The following FSTL5 variants were observed in gnomAD, a reference collection of about 807,000 sequenced individuals.
FSTL5 encodes follistatin like 5, also known as follistatin-related protein 5.
In FSTL5, 62 loss-of-function variants were observed where a neutral mutation model predicts 89.1. The observed-to-expected ratio is 0.70, with a 90% confidence interval of 0.57 to 0.86. FSTL5 has a LOEUF of 0.86. Ranked by LOEUF, FSTL5 falls within the 40% of genes least tolerant of loss-of-function variation. FSTL5 has a pLI of 0.00. For missense variants in FSTL5, 1,057 were observed against 1,001.6 expected (o/e 1.06, Z -0.75); for synonymous variants, 383 against 346.2 (o/e 1.11, Z -1.18).
chr4:161,777,309 G>A (rs1741444885), intron 4 of FSTL5, among the ~76,000 whole-genome samples: 1 of 149,346 alleles, frequency 6.7e-6, no homozygotes, highest in Non-Finnish European at 1.5e-5. Context: ...GAACACTTAG[G>A]TTGATTCCAT....
chr4:161,731,495 C>T (rs1739610086), intron 6 of FSTL5, among the ~76,000 whole-genome samples: 1 of 152,028 alleles, frequency 6.6e-6, no homozygotes, highest in African/African-American at 2.4e-5. Context: ...TACTCTCTCT[C>T]CTGCTCTGCC....
At chr4:161,958,701 T>G (rs1025394441) in intron 3 of FSTL5, among the ~76,000 whole-genome samples, 3 of 152,136 alleles carry the variant, frequency 2.0e-5, no homozygotes, top group Non-Finnish European at 2.9e-5. Context: ...CTCACTGATC[T>G]TTTTTCTCCC....
intron 1 of FSTL5, among the ~76,000 whole-genome samples, chr4:162,159,893 C>G (rs1382457050): frequency 2.6e-5 from 4 of 151,614 alleles, no homozygotes; most frequent in African/African-American, 9.7e-5. Flanking sequence ...CATTTTAATG[C>G]CAAAAAAACT....
At chr4:161,731,438 G>C (rs1739608008) in intron 6 of FSTL5, among the ~76,000 whole-genome samples, 1 of 151,998 alleles carries the variant, frequency 6.6e-6, no homozygotes, top group African/African-American at 2.4e-5. Context: ...TAGTGGGTGA[G>C]TTCTCACGAG....
intron 10 of FSTL5, among the ~76,000 whole-genome samples, 173 bp from the exon 11 acceptor site, chr4:161,510,597 G>A (rs1048185693): frequency 6.6e-6 from 1 of 151,760 alleles, no homozygotes; most frequent in Non-Finnish European, 1.5e-5. Flanking sequence ...ATAGCATGTT[G>A]GAATTAGCTA....
At chr4:161,699,645 G>A (rs1042159005) in intron 6 of FSTL5, among the ~76,000 whole-genome samples, 1 of 152,112 alleles carries the variant, frequency 6.6e-6, no homozygotes, top group Admixed American at 6.5e-5. Flanking sequence ...TGTAACTTTT[G>A]CCATTTTCTA....
chr4:161,841,104 C>A (rs2126871709), intron 4 of FSTL5, among the ~76,000 whole-genome samples: 1 of 152,206 alleles, frequency 6.6e-6, no homozygotes, highest in East Asian at 1.9e-4. Context: ...CTTTTTCAGG[C>A]CTAAAATTGA....
At position 162,050,151 on chromosome 4, in the gene FSTL5, C is replaced by T. The variant is rs370062890; in HGVS notation, c.127-16493G>A. On this transcript the variant is annotated intron_variant, in intron 2 of 15. Transcript: ENST00000306100. ...TAAATAAGTTGTAAAATAAATTTTC[C>T]GCAAGTGAATACACAATCTAGAATT... Among the ~76,000 whole-genome samples the T allele has an allele frequency of 7.3e-5, 11 of 151,616 alleles. No homozygotes were observed. The East Asian group carries it at 1.2e-3, about 16-fold the overall frequency.
chr4:161,459,676 A>G (rs1733492367), intron 13 of FSTL5, among the ~76,000 whole-genome samples: 6 of 152,006 alleles, frequency 3.9e-5, no homozygotes, highest in Admixed American at 3.9e-4. Context: ...CTCAAGATAT[A>G]AAAGATTAAT....
At chr4:161,436,923 G>A (rs540987447) in intron 15 of FSTL5, among the ~76,000 whole-genome samples, 10 of 152,106 alleles carry the variant, frequency 6.6e-5, no homozygotes, top group Non-Finnish European at 1.3e-4. Context: ...ACTTAACATT[G>A]TGAATTTGTA....
chr4:161,633,356 A>G (rs982575393), intron 7 of FSTL5, among the ~76,000 whole-genome samples: 2 of 149,856 alleles, frequency 1.3e-5, no homozygotes, highest in African/African-American at 4.9e-5. Flanking sequence ...ACATGTGCAC[A>G]ACGAGACCAA....
intron 11 of FSTL5, among the ~76,000 whole-genome samples, chr4:161,500,858 G>A (rs1347029704): frequency 6.6e-6 from 1 of 152,078 alleles, no homozygotes; most frequent in Non-Finnish European, 1.5e-5. Context: ...GGGTGCAGGA[G>A]GCTAGTTTGA....
intron 8 of FSTL5, among the ~76,000 whole-genome samples, chr4:161,575,576 C>A (rs750413102): frequency 1.3e-5 from 2 of 152,044 alleles, no homozygotes; most frequent in East Asian, 3.9e-4. Flanking sequence ...GCCTCAGCCT[C>A]CCTAGTAGCT....
chr4:161,780,910 T>A (rs1371824198), intron 4 of FSTL5, among the ~76,000 whole-genome samples: 1 of 152,168 alleles, frequency 6.6e-6, no homozygotes, highest in Non-Finnish European at 1.5e-5. Flanking sequence ...CAGTAAAAAG[T>A]ACCAATTCCC....
At chr4:161,885,703 C>A (rs1396181463) in intron 4 of FSTL5, among the ~76,000 whole-genome samples, 1 of 152,168 alleles carries the variant, frequency 6.6e-6, no homozygotes, top group East Asian at 1.9e-4. Flanking sequence ...CCTGCCTCAG[C>A]CTCCCAAAGT....
chr4:161,969,125 C>T (rs934339198), intron 3 of FSTL5, among the ~76,000 whole-genome samples: 3 of 151,958 alleles, frequency 2.0e-5, no homozygotes, highest in Admixed American at 1.3e-4. Context: ...GAATTATATA[C>T]CCTACCTAGA....
chr4:161,724,579 T>C (rs1739326854), intron 6 of FSTL5, among the ~76,000 whole-genome samples: 2 of 152,358 alleles, frequency 1.3e-5, no homozygotes, highest in East Asian at 3.9e-4. Context: ...CTGTGATGTA[T>C]GATTTTATAT....
intron 2 of FSTL5, among the ~76,000 whole-genome samples, chr4:162,089,279 A>G (rs1730444614): frequency 1.3e-5 from 2 of 152,144 alleles, no homozygotes; most frequent in Admixed American, 1.3e-4. Context: ...CGACTAAGAC[A>G]CCAAGGGATG....
intron 4 of FSTL5, among the ~76,000 whole-genome samples, chr4:161,794,165 C>A (rs1268630260): frequency 6.6e-6 from 1 of 152,106 alleles, no homozygotes; most frequent in Non-Finnish European, 1.5e-5. Flanking sequence ...ACAAGTGATG[C>A]CTGGGCTGCA....
Sources: gnomAD v4.1 joint callset for allele counts (sites outside exome capture counted in the v4.1 genomes callset) on GRCh38, gnomAD v4.1.1 for gene constraint, MANE v1.5 for transcripts, NCBI Gene and HGNC (gene_info 2026-07-23, HGNC 2026-07-21) for gene names.